ACOT12: variants seen among roughly 807,000 people sequenced by gnomAD.
ACOT12 encodes acyl-CoA thioesterase 12.
A neutral mutation model predicts 67.7 loss-of-function variants in ACOT12; 51 were observed. The observed-to-expected ratio is 0.75, with a 90% CI of 0.60 to 0.95. The LOEUF is 0.95. Among genes scored for constraint, ACOT12 ranks in the 40% least tolerant of loss-of-function variants. The pLI, the probability that ACOT12 is intolerant of heterozygous loss-of-function variation, is 0.00. For synonymous variants in ACOT12, 251 were observed against 244.6 expected (o/e 1.03, Z -0.24); for missense variants, 734 against 708.1 (o/e 1.04, Z -0.41).
the ACOT12 span, among the ~76,000 whole-genome samples, chr5:81,315,019 T>C: frequency 6.6e-6 from 1 of 152,190 alleles, no homozygotes; most frequent in Admixed American, 6.5e-5. Context: ...CCTTCGGTCT[T>C]TTGTAAATTT....
intron 2 of ACOT12, among the ~76,000 whole-genome samples, chr5:81,383,855 T>C (rs767649806): frequency 4.6e-5 from 7 of 152,122 alleles, no homozygotes; most frequent in Non-Finnish European, 1.0e-4. Flanking sequence ...TCAGTATTAT[T>C]ACAAAAGAAT....
intron 1 of ACOT12, among the ~76,000 whole-genome samples, chr5:81,393,012 C>T (rs1407654648): frequency 6.6e-6 from 1 of 152,204 alleles, no homozygotes; most frequent in Non-Finnish European, 1.5e-5. Flanking sequence ...TAGAGTCACA[C>T]CAGGGGTTAG....
At chr5:81,334,130 T>A (rs1179567245) in intron 12 of ACOT12, among the ~76,000 whole-genome samples, 1 of 152,068 alleles carries the variant, frequency 6.6e-6, no homozygotes, top group Non-Finnish European at 1.5e-5. Flanking sequence ...TGGCTCCCCA[T>A]CCATCTTGCT....
At chr5:81,340,463 G>A (rs1278786644) in intron 11 of ACOT12, among the ~76,000 whole-genome samples, 1 of 152,144 alleles carries the variant, frequency 6.6e-6, no homozygotes, top group Non-Finnish European at 1.5e-5. Context: ...CCAGGTTCAA[G>A]CAATTCTCCT....
chr5:81,332,195 T>C (rs1296484703), intron 13 of ACOT12, among the ~76,000 whole-genome samples: 1 of 152,226 alleles, frequency 6.6e-6, no homozygotes, highest in African/African-American at 2.4e-5. Flanking sequence ...ACATTTTTAC[T>C]AATCATGGTA....
rs1444057845 is a variant in ACOT12 at position 81,359,934 on chromosome 5, G to GTTCTTTAACAAT, written c.464_465insATTGTTAAAGAA (p.Phe154_Asn155insLysLeuLeuLys). On this transcript the variant is annotated inframe_insertion, in exon 5 of 15. Coordinates refer to ENST00000307624, the MANE Select transcript of ACOT12 (RefSeq NM_130767.3). The stretch of plus-strand genomic sequence containing the variant: ...ATTTGCTACTTTCCTTCATTAAATT[G>GTTCTTTAACAAT]TTAAAGGTATCTTCATGTTGTAATC... The GTTCTTTAACAAT allele has an allele frequency of 6.2e-7, 1 of 1,611,088 alleles. No individual in the cohort carries two copies. The highest frequency in any genetic ancestry group is 2.2e-5 in the East Asian group (1 of 44,798).
At chr5:81,344,361 CAG>C in intron 8 of ACOT12, 146 bp from the exon 9 acceptor site, 1 of 755,172 alleles carries the variant, frequency 1.3e-6, no homozygotes, top group Non-Finnish European at 2.1e-6. Context: ...TTCATCAAGT[CAG>C]AGTCTCTGTG....
intron 14 of ACOT12, 122 bp downstream of exon 14, chr5:81,330,692 A>G: frequency 1.3e-6 from 2 of 1,505,312 alleles, no homozygotes; most frequent in Non-Finnish European, 1.8e-6. Flanking sequence ...GGATGACCTT[A>G]GGATTCCCAT....
chr5:81,362,862 G>T (rs1339357273), intron 4 of ACOT12, among the ~76,000 whole-genome samples: 1 of 152,148 alleles, frequency 6.6e-6, no homozygotes, highest in African/African-American at 2.4e-5. Context: ...ACTTCCATTT[G>T]AAAAATAACA....
chr5:81,391,428 T>C (rs921416556), intron 1 of ACOT12, among the ~76,000 whole-genome samples: 1 of 152,236 alleles, frequency 6.6e-6, no homozygotes, highest in Non-Finnish European at 1.5e-5. Context: ...TTTCATGTGT[T>C]AACTTTCAAG....
rs199564842 is a variant in ACOT12, at chr5:81,344,979, C to T, written c.836G>A (p.Arg279His). 318 of 1,614,152 alleles carry T rather than the reference C, an allele frequency of 2.0e-4. No homozygotes were observed. The highest frequency in any genetic ancestry group is 2.9e-4 in the South Asian group (26 of 91,084). Residue 279 changes from arginine (R) to histidine (H), a missense_variant, in exon 8 of 15, where the codon CGT (arginine) becomes CAT (histidine). By Grantham distance (29) the Arg-to-His change is conservative. Transcript: ENST00000307624. ...AATGAGAAAAGCACTGTTGATGTGA[C>T]GCCCTCGGCCCTCGGCCCATTCCTG... ...DCQEWAEGRG[R>H]HINSAFLIYN... is the part of the protein sequence containing the mutation.
At chr5:81,371,096 A>G (rs966828907) in intron 3 of ACOT12, among the ~76,000 whole-genome samples, 1 of 152,244 alleles carries the variant, frequency 6.6e-6, no homozygotes, top group African/African-American at 2.4e-5. Context: ...GAGAACAAAC[A>G]GAATTAGAAT....
chr5:81,351,816 C>T (rs530242589), intron 5 of ACOT12, among the ~76,000 whole-genome samples: 90 of 152,238 alleles, frequency 5.9e-4, no homozygotes, highest in Non-Finnish European at 1.1e-3. Flanking sequence ...AGTGAAGAGA[C>T]AACCCACAGA....
chr5:81,355,901 T>C (rs1339882901), intron 5 of ACOT12, among the ~76,000 whole-genome samples: 1 of 152,166 alleles, frequency 6.6e-6, no homozygotes, highest in Non-Finnish European at 1.5e-5. Flanking sequence ...TGGGAAACAA[T>C]GCCTTAGTTT....
At chr5:81,346,060 A>G in intron 6 of ACOT12, 56 bp from the exon 7 acceptor site, 1 of 1,596,068 alleles carries the variant, frequency 6.3e-7, no homozygotes, top group South Asian at 1.1e-5. Context: ...CATTCATCGA[A>G]CAAATGCACA....
chr5:81,390,557 G>A (rs1246648259), intron 1 of ACOT12, among the ~76,000 whole-genome samples: 1 of 150,922 alleles, frequency 6.6e-6, no homozygotes, highest in Non-Finnish European at 1.5e-5. Flanking sequence ...TGGCTGGAGT[G>A]CAGTGGTACA....
chr5:81,338,417 G>A (rs1759076524), intron 11 of ACOT12, among the ~76,000 whole-genome samples: 1 of 152,094 alleles, frequency 6.6e-6, no homozygotes, highest in African/African-American at 2.4e-5. Flanking sequence ...TTGTTTGAAA[G>A]TGTGTGGCAC....
intron 11 of ACOT12, 145 bp from the exon 12 acceptor site, chr5:81,336,046 T>C: frequency 1.2e-6 from 1 of 848,406 alleles, no homozygotes; most frequent in Non-Finnish European, 1.8e-6. Context: ...CATGGCAATT[T>C]CTCTTCAAAT....
intron 1 of ACOT12, among the ~76,000 whole-genome samples, chr5:81,387,517 G>A (rs1439762593): frequency 6.7e-6 from 1 of 150,218 alleles, no homozygotes; most frequent in African/African-American, 2.4e-5. Context: ...ATACCAACAT[G>A]AGTATCTTGA....
Sources: allele counts gnomAD v4.1 joint callset (sites outside exome capture counted in the v4.1 genomes callset), GRCh38; gene constraint gnomAD v4.1.1; transcripts MANE v1.5; gene names NCBI Gene and HGNC (gene_info 2026-07-23, HGNC 2026-07-21).